MAP4K5: variants seen among roughly 807,000 people sequenced by gnomAD.
The protein encoded by MAP4K5 is mitogen-activated protein kinase kinase kinase kinase 5.
A neutral mutation model predicts 135.6 loss-of-function variants in MAP4K5; 82 were observed. The observed-to-expected ratio is 0.60, with a 90% confidence interval of 0.51 to 0.73. The LOEUF is 0.73. Ranked by LOEUF, MAP4K5 falls within the 30% of genes least tolerant of loss-of-function variation. MAP4K5 has a pLI of 0.00. For synonymous variants in MAP4K5, 347 were observed against 335.0 expected, an observed-to-expected ratio of 1.04 and a Z score of -0.39; for missense variants, 907 against 1,010.9, an observed-to-expected ratio of 0.90 and a Z score of 1.39.
intron 25 of MAP4K5, 128 bp from the exon 26 acceptor site, chr14:50,437,662 A>G (rs1394059308): frequency 3.0e-6 from 2 of 675,730 alleles, no homozygotes; most frequent in Admixed American, 3.0e-5. Context: ...ACTCCACACT[A>G]TCTCATCTTA....
At position 50,443,961 on chromosome 14, in the gene MAP4K5, T is replaced by C. The variant is rs925893385; in HGVS notation, c.1415A>G (p.Lys472Arg). Residue 472 changes from lysine (K) to arginine (R), a missense_variant, in exon 19 of 33, where the codon AAA (lysine) becomes AGA (arginine). By Grantham distance (26) the Lys-to-Arg change is conservative. Coordinates refer to ENST00000682126, the MANE Select transcript of MAP4K5 (RefSeq NM_006575.6). ...TACAGGGAAGTCTCGTTTGTCCTTT[T>C]TTCGTGGTAACTGTGGTGCTTGTGC... ...GSAQAPQLPR[K>R]KDKRDFPKPA... 3.7e-6 allele frequency: 6 copies of C among 1,608,612 alleles called. No homozygotes were observed. The highest frequency in any genetic ancestry group is 1.6e-4 in the Middle Eastern group (1 of 6,076).
chr14:50,433,509 G>A (rs574254501), intron 28 of MAP4K5, among the ~76,000 whole-genome samples: 1 of 152,158 alleles, frequency 6.6e-6, no homozygotes, highest in Admixed American at 6.5e-5. Context: ...ATTTACCAGG[G>A]TATCACTGGT....
intron 3 of MAP4K5, among the ~76,000 whole-genome samples, chr14:50,488,857 T>C (rs1169938088): frequency 6.6e-6 from 1 of 152,172 alleles, no homozygotes; most frequent in Non-Finnish European, 1.5e-5. Context: ...ATTTGAAACT[T>C]TAATGCAAAG....
At chr14:50,534,381 A>T (rs2038465565), upstream of MAP4K5, among the ~76,000 whole-genome samples, 2 of 152,382 alleles carry the variant, frequency 1.3e-5, no homozygotes, top group South Asian at 4.1e-4. Flanking sequence ...CCAATTGATC[A>T]AGAAGAGGCA....
rs377309242 is a variant in MAP4K5, at chr14:50,446,813, T to C, written c.1142+601A>G. On this transcript the variant is annotated intron_variant, in intron 16 of 32. Transcript: ENST00000682126. The stretch of plus-strand genomic sequence containing the variant: ...TGTGAAAGCAGCCATGTACGATACA[T>C]AAACTAATAAGCATAGTTATATTCT... Among the ~76,000 whole-genome samples the C allele has an allele frequency of 7.2e-5, 11 of 152,330 alleles. No individual in the cohort carries two copies. The East Asian group carries it at 7.7e-4, about 11-fold the overall frequency.
chr14:50,434,098 G>C (rs372937422), intron 28 of MAP4K5, among the ~76,000 whole-genome samples: 1 of 152,102 alleles, frequency 6.6e-6, no homozygotes, highest in Non-Finnish European at 1.5e-5. Context: ...AAAATTTTAA[G>C]AACTGCTTAG....
Position 50,464,132 on chromosome 14 carries a change from A to C in MAP4K5, c.739T>G (p.Ser247Ala). Residue 247 changes from serine to alanine, a missense_variant and splice_region_variant, in exon 12 of 33, where the codon TCA becomes GCA. Physicochemically the swap from Ser to Ala is moderately conservative, Grantham distance 99 (BLOSUM62 1). This residue lies in a region of MAP4K5 where 690 missense variants were observed against 777.4 expected (regional missense o/e 0.89). Transcript: ENST00000682126. ...TTGACAAAATTATGGAATGTTGATG[A>C]CCTTAAAATAAAAAGAGACGTACAA... ...PPKLKDKTKWSSTFHNFVKIA... is the reference protein window; with the variant it reads ...PPKLKDKTKWASTFHNFVKIA... 1 of 1,472,408 alleles carries C rather than the reference A, an allele frequency of 6.8e-7. No individual in the cohort carries two copies. Among genetic ancestry groups the C allele is most frequent in the Non-Finnish European group, 9.3e-7 (1 of 1,078,660 alleles). The allele number at this position is 1,472,408 out of a possible 1,614,324, so 91.2% of individuals were successfully genotyped here.
At chr14:50,450,885 T>TA (rs1458035963) in intron 14 of MAP4K5, among the ~76,000 whole-genome samples, 4 of 151,944 alleles carry the variant, frequency 2.6e-5, no homozygotes, top group African/African-American at 9.7e-5. Flanking sequence ...CAAGATACAA[T>TA]AAAAAAGACA....
intron 2 of MAP4K5, among the ~76,000 whole-genome samples, chr14:50,509,333 T>C (rs2037881958): frequency 6.6e-6 from 1 of 152,216 alleles, no homozygotes; most frequent in South Asian, 2.1e-4. Context: ...AATTCTCTTT[T>C]TCTTTTTTAA....
intron 3 of MAP4K5, 115 bp downstream of exon 3, chr14:50,504,685 T>C: frequency 1.4e-6 from 1 of 722,772 alleles, no homozygotes; most frequent in Non-Finnish European, 2.2e-6. Flanking sequence ...GTAATTTAAT[T>C]GAAGATATTC....
intron 2 of MAP4K5, among the ~76,000 whole-genome samples, chr14:50,507,827 G>A (rs1345101021): frequency 6.6e-6 from 1 of 152,174 alleles, no homozygotes; most frequent in African/African-American, 2.4e-5. Flanking sequence ...ATATTCTGTT[G>A]ATTTGGGGTG....
chr14:50,450,695 G>T (rs1483693755), intron 14 of MAP4K5: 4 of 152,198 alleles, frequency 2.6e-5, no homozygotes, highest in African/African-American at 9.6e-5. Context: ...AGAGCGCTGT[G>T]AGCTTCTGGA....
intron 9 of MAP4K5, among the ~76,000 whole-genome samples, chr14:50,473,160 G>GT (rs1290763802): frequency 1.3e-5 from 2 of 152,038 alleles, no homozygotes; most frequent in Non-Finnish European, 2.9e-5. Context: ...TAATATGTAG[G>GT]TAAGATTTTT....
At chr14:50,472,191 T>C (rs1160990912) in intron 9 of MAP4K5, 2 of 151,734 alleles carry the variant, frequency 1.3e-5, no homozygotes, top group African/African-American at 4.9e-5. Context: ...GTAAAGCCTT[T>C]AGTCGTTTCA....
chr14:50,453,719 G>A (rs528511283), intron 14 of MAP4K5, among the ~76,000 whole-genome samples: 4 of 152,234 alleles, frequency 2.6e-5, no homozygotes, highest in African/African-American at 9.6e-5. Context: ...GCGGAGACCT[G>A]ATGTTCACCC....
chr14:50,485,322 A>T (rs980095371), intron 5 of MAP4K5, among the ~76,000 whole-genome samples: 2 of 152,126 alleles, frequency 1.3e-5, no homozygotes, highest in Admixed American at 6.5e-5. Context: ...TTTGTAGATA[A>T]AACACTTTCC....
chr14:50,515,882 C>T (rs1260593767), intron 2 of MAP4K5, among the ~76,000 whole-genome samples: 2 of 152,182 alleles, frequency 1.3e-5, no homozygotes, highest in African/African-American at 2.4e-5. Context: ...TTGCTCCAGA[C>T]TCCTACATCC....
At chr14:50,536,101 A>G (rs1406043163), upstream of MAP4K5, among the ~76,000 whole-genome samples, 2 of 152,186 alleles carry the variant, frequency 1.3e-5, no homozygotes, top group East Asian at 1.9e-4. Context: ...TCTTTTGTAG[A>G]TTGCCCGGTC....
At chr14:50,489,166 G>A (rs1240791169) in intron 3 of MAP4K5, among the ~76,000 whole-genome samples, 1 of 152,118 alleles carries the variant, frequency 6.6e-6, no homozygotes, top group Admixed American at 6.6e-5. Flanking sequence ...ACCAGCCTGG[G>A]CAACATAGAG....
Sources: allele counts gnomAD v4.1 joint callset (sites outside exome capture counted in the v4.1 genomes callset), GRCh38; gene constraint gnomAD v4.1.1; regional missense constraint gnomAD v4.1.1; transcripts MANE v1.5; gene names NCBI Gene and HGNC (gene_info 2026-07-23, HGNC 2026-07-21).